The following NXPH1 variants were observed in gnomAD, a reference collection of about 807,000 sequenced individuals.
The protein encoded by NXPH1 is neurexophilin 1, also known as neurexophilin-1.
In NXPH1, 5 loss-of-function variants were observed where a neutral mutation model predicts 23.7. That is an observed-to-expected ratio of 0.21 (90% confidence interval 0.11 to 0.44). The LOEUF (loss-of-function observed/expected upper bound fraction) is 0.44, where lower values mean the gene tolerates loss of function less well. Among genes scored for constraint, NXPH1 ranks in the 20% least tolerant of loss-of-function variants. The pLI, the probability that NXPH1 is intolerant of heterozygous loss-of-function variation, is 0.99. For missense variants in NXPH1, 324 were observed against 321.6 expected, an observed-to-expected ratio of 1.01 and a Z score of -0.06; for synonymous variants, 144 against 122.2, an observed-to-expected ratio of 1.18 and a Z score of -1.18.
At chr7:8,456,103 G>C (rs1816590072) in intron 2 of NXPH1, among the ~76,000 whole-genome samples, 1 of 152,142 alleles carries the variant, frequency 6.6e-6, no homozygotes, top group Non-Finnish European at 1.5e-5. Flanking sequence ...TGTCTTACCT[G>C]GGTTACACGT....
At chr7:8,480,580 C>T (rs1311065325) in intron 2 of NXPH1, among the ~76,000 whole-genome samples, 1 of 152,152 alleles carries the variant, frequency 6.6e-6, no homozygotes, top group Non-Finnish European at 1.5e-5. Flanking sequence ...GGAAACTGGG[C>T]AATAAATCTC....
intron 2 of NXPH1, among the ~76,000 whole-genome samples, chr7:8,585,914 C>T (rs945493601): frequency 3.3e-5 from 5 of 152,142 alleles, no homozygotes; most frequent in Non-Finnish European, 5.9e-5. Context: ...TAGGTGGGTT[C>T]TTGGCTAGAA....
chr7:8,528,403 T>G (rs1029209768), intron 2 of NXPH1, among the ~76,000 whole-genome samples: 1 of 152,256 alleles, frequency 6.6e-6, no homozygotes, highest in Non-Finnish European at 1.5e-5. Context: ...GACTTTGGTT[T>G]GCAGAAATGC....
intron 2 of NXPH1, among the ~76,000 whole-genome samples, chr7:8,592,037 A>G (rs1035469029): frequency 6.6e-6 from 1 of 151,772 alleles, no homozygotes; most frequent in African/African-American, 2.4e-5. Context: ...CTTCTCTTGG[A>G]GTTAAGGGAT....
intron 2 of NXPH1, among the ~76,000 whole-genome samples, chr7:8,709,356 C>A (rs1030509841): frequency 2.3e-4 from 35 of 151,884 alleles, no homozygotes; most frequent in African/African-American, 7.7e-4. Context: ...GTATTAGGTG[C>A]TTTGAATTCT....
At chr7:8,514,860 C>A (rs1817664081) in intron 2 of NXPH1, among the ~76,000 whole-genome samples, 1 of 152,110 alleles carries the variant, frequency 6.6e-6, no homozygotes. Flanking sequence ...TGATTTAACC[C>A]AGATTACACA....
intron 2 of NXPH1, among the ~76,000 whole-genome samples, chr7:8,519,216 A>G (rs1232351865): frequency 6.6e-6 from 1 of 152,178 alleles, no homozygotes; most frequent in Non-Finnish European, 1.5e-5. Context: ...TCCTTAAATA[A>G]ATGAATGGTG....
intron 2 of NXPH1, among the ~76,000 whole-genome samples, chr7:8,702,617 C>A (rs1019281436): frequency 1.3e-5 from 2 of 152,024 alleles, no homozygotes; most frequent in East Asian, 3.9e-4. Context: ...CTATTATTTT[C>A]CTGGCTCCAT....
At chr7:8,472,364 T>C (rs1816884171) in intron 2 of NXPH1, among the ~76,000 whole-genome samples, 1 of 152,188 alleles carries the variant, frequency 6.6e-6, no homozygotes, top group South Asian at 2.1e-4. Flanking sequence ...TACTTTGATA[T>C]TCATGATTTC....
intron 2 of NXPH1, among the ~76,000 whole-genome samples, chr7:8,734,566 A>G (rs996042993): frequency 1.3e-5 from 2 of 151,734 alleles, no homozygotes; most frequent in African/African-American, 4.8e-5. Flanking sequence ...GTGATTTGTT[A>G]TGATTTCCGT....
intron 2 of NXPH1, among the ~76,000 whole-genome samples, chr7:8,489,495 A>T (rs1476629673): frequency 6.6e-6 from 1 of 152,094 alleles, no homozygotes; most frequent in East Asian, 1.9e-4. Context: ...CACCAACTCC[A>T]CTGAAGTCTG....
chr7:8,589,833 C>T (rs181860720), intron 2 of NXPH1, among the ~76,000 whole-genome samples: 1 of 152,098 alleles, frequency 6.6e-6, no homozygotes, highest in East Asian at 1.9e-4. Context: ...TAGCCACCAT[C>T]CAATAACCAC....
At chr7:8,691,688 C>T (rs1338351120) in intron 2 of NXPH1, among the ~76,000 whole-genome samples, 1 of 152,174 alleles carries the variant, frequency 6.6e-6, no homozygotes, top group Non-Finnish European at 1.5e-5. Flanking sequence ...TCTATTCATT[C>T]ACAAAATACT....
chr7:8,496,213 C>A (rs2128611872), intron 2 of NXPH1, among the ~76,000 whole-genome samples: 1 of 152,020 alleles, frequency 6.6e-6, no homozygotes, highest in Non-Finnish European at 1.5e-5. Flanking sequence ...CTTTCTTTAC[C>A]CCTTACCTCT....
intron 2 of NXPH1, among the ~76,000 whole-genome samples, chr7:8,701,970 T>G (rs1176645080): frequency 1.3e-5 from 2 of 152,000 alleles, no homozygotes; most frequent in Non-Finnish European, 2.9e-5. Context: ...GCAAATTTAT[T>G]GAATAAAATG....
intron 2 of NXPH1, among the ~76,000 whole-genome samples, chr7:8,452,306 G>C (rs1280919261): frequency 6.6e-6 from 1 of 152,108 alleles, no homozygotes; most frequent in Non-Finnish European, 1.5e-5. Context: ...CAGTCTTTTT[G>C]ATATACTCTT....
At chr7:8,551,956 C>T (rs1260574710) in intron 2 of NXPH1, among the ~76,000 whole-genome samples, 1 of 151,130 alleles carries the variant, frequency 6.6e-6, no homozygotes, top group African/African-American at 2.4e-5. Context: ...ACGTTTTTTC[C>T]CTTAAATCCT....
intron 2 of NXPH1, among the ~76,000 whole-genome samples, chr7:8,653,873 T>C (rs1820529240): frequency 1.3e-5 from 2 of 152,238 alleles, no homozygotes; most frequent in African/African-American, 4.8e-5. Context: ...CTGACTATTT[T>C]CTCCTCTACA....
chr7:8,635,407 T>C (rs1820203349), intron 2 of NXPH1, among the ~76,000 whole-genome samples: 1 of 152,220 alleles, frequency 6.6e-6, no homozygotes, highest in Non-Finnish European at 1.5e-5. Context: ...CTTTCTCTTT[T>C]TAGTGGTATA....
Sources: allele counts gnomAD v4.1 joint callset (sites outside exome capture counted in the v4.1 genomes callset), GRCh38; gene constraint gnomAD v4.1.1; transcripts MANE v1.5; gene names NCBI Gene and HGNC (gene_info 2026-07-23, HGNC 2026-07-21).